Variants in ANXA10 observed in about 807,000 individuals in gnomAD.
The protein encoded by ANXA10 is annexin A10.
ANXA10 carries 49 observed loss-of-function variants against 53.5 expected under a neutral mutation model. That is an observed-to-expected ratio of 0.92 (90% CI 0.73 to 1.16). The LOEUF is 1.16. ANXA10 is among the 50% of genes most tolerant of loss of function. The probability of loss-of-function intolerance (pLI) is 0.00; values close to 1 mark genes in which losing one functional copy is unlikely to be tolerated. For missense variants in ANXA10, 393 were observed against 394.4 expected (o/e 1.00, Z 0.03); for synonymous variants, 131 against 128.9 (o/e 1.02, Z -0.11).
intron 1 of ANXA10, among the ~76,000 whole-genome samples, chr4:168,111,345 T>C (rs1730803665): frequency 6.6e-6 from 1 of 152,200 alleles, no homozygotes; most frequent in African/African-American, 2.4e-5. Context: ...ATATGTTTTA[T>C]CCTTTCTAGA....
At chr4:168,154,979 C>T (rs1731577750) in intron 3 of ANXA10, among the ~76,000 whole-genome samples, 1 of 152,082 alleles carries the variant, frequency 6.6e-6, no homozygotes, top group Non-Finnish European at 1.5e-5. Flanking sequence ...TCATGGTATA[C>T]CCTTTGCACT....
intron 3 of ANXA10, among the ~76,000 whole-genome samples, chr4:168,158,927 C>T (rs989006447): frequency 2.0e-5 from 3 of 152,034 alleles, no homozygotes; most frequent in Non-Finnish European, 4.4e-5. Flanking sequence ...GTAATATGTT[C>T]CCCTTAAAGA....
chr4:168,109,874 G>C (rs1730775989), intron 1 of ANXA10, among the ~76,000 whole-genome samples: 1 of 152,154 alleles, frequency 6.6e-6, no homozygotes, highest in Non-Finnish European at 1.5e-5. Flanking sequence ...AGCTATCTAA[G>C]TTATCTCACT....
At chr4:168,092,771 T>C (rs933710624) in intron 1 of ANXA10, 53 bp downstream of exon 1, 1 of 1,445,452 alleles carries the variant, frequency 6.9e-7, no homozygotes, top group Non-Finnish European at 9.3e-7. Context: ...AAACTTGATT[T>C]ATAAAATTTC....
intron 1 of ANXA10, among the ~76,000 whole-genome samples, chr4:168,101,569 T>G (rs1362080731): frequency 6.6e-6 from 1 of 152,016 alleles, no homozygotes; most frequent in African/African-American, 2.4e-5. Flanking sequence ...TAATCTTGTA[T>G]TTTTTCTTAT....
In ANXA10 at chr4:168,179,254, G is replaced by T; in HGVS notation, c.666G>T (p.Met222Ile). 1 of 1,611,620 alleles carries T rather than the reference G, an allele frequency of 6.2e-7. No homozygotes were observed. Among genetic ancestry groups the T allele is most frequent in the South Asian group, 1.1e-5 (1 of 90,772 alleles). Residue 222 changes from methionine to isoleucine, a missense_variant, in exon 9 of 12, where the codon ATG (methionine) becomes ATT (isoleucine). Met to Ile is a conservative substitution (Grantham distance 10). Transcript: ENST00000359299. ...QEFQNISGQDMVDAINECYDG... is the reference protein window; with the variant it reads ...QEFQNISGQDIVDAINECYDG... ...TTCAAAATATTTCTGGGCAAGATAT[G>T]GTAGATGCCATTAATGAATGTTATG...
In ANXA10 at chr4:168,134,784, C is replaced by G. The variant is rs1048745899; in HGVS notation, c.101-4702C>G. On this transcript the variant is annotated intron_variant, in intron 2 of 11. Transcript: ENST00000359299. ...GCCAATTCTAGGCCTTCCTCCCTCCCTGTTACAGCTTTCAGACCATTTGTG... is the reference window on the plus strand; with the variant it reads ...GCCAATTCTAGGCCTTCCTCCCTCCGTGTTACAGCTTTCAGACCATTTGTG... 3.3e-5 allele frequency among the ~76,000 whole-genome samples: 5 copies of G among 152,182 alleles called. 1 individual carries two copies. The highest frequency in any genetic ancestry group is 5.9e-5 in the Non-Finnish European group (4 of 68,028).
At chr4:168,165,408 A>T (rs1312445779) in intron 6 of ANXA10, 82 bp downstream of exon 6, 10 of 693,982 alleles carry the variant, frequency 1.4e-5, no homozygotes, top group Non-Finnish European at 2.2e-5. Flanking sequence ...AAAAAAAAAT[A>T]GAACAGAAAA....
At chr4:168,157,475 C>A (rs1731708832) in intron 3 of ANXA10, among the ~76,000 whole-genome samples, 1 of 152,038 alleles carries the variant, frequency 6.6e-6, no homozygotes, top group Admixed American at 6.6e-5. Flanking sequence ...AGCATCTTGG[C>A]CAGGCTGGTG....
chr4:168,181,531 C>G (rs1553959403), intron 9 of ANXA10, 152 bp from the exon 10 acceptor site: 1 of 662,466 alleles, frequency 1.5e-6, no homozygotes, highest in African/African-American at 1.8e-5. Context: ...TATTTTTTTC[C>G]TGTGGCTTAT....
chr4:168,098,970 G>A (rs1730597258), intron 1 of ANXA10, among the ~76,000 whole-genome samples: 1 of 152,050 alleles, frequency 6.6e-6, no homozygotes, highest in Admixed American at 6.6e-5. Context: ...TAAAGCAACA[G>A]AATGTCTTCA....
intron 1 of ANXA10, among the ~76,000 whole-genome samples, chr4:168,093,844 A>C (rs1730501295): frequency 1.3e-5 from 2 of 152,324 alleles, no homozygotes; most frequent in East Asian, 3.9e-4. Context: ...ATTAGGACTT[A>C]AAAGGCAGCT....
At chr4:168,153,442 CA>C (rs1560782282) in intron 3 of ANXA10, among the ~76,000 whole-genome samples, 1 of 42,934 alleles carries the variant, frequency 2.3e-5, no homozygotes, top group East Asian at 4.5e-4. Flanking sequence ...AAAAAAAAAA[CA>C]AAAACAAAAA....
chr4:168,092,788 G>A (rs2149462426), intron 1 of ANXA10, 70 bp downstream of exon 1: 2 of 1,368,328 alleles, frequency 1.5e-6, no homozygotes, highest in East Asian at 5.2e-5. Context: ...TTTCATTTGT[G>A]TTTTTTGACG....
chr4:168,116,005 C>T (rs2149467252), intron 1 of ANXA10, among the ~76,000 whole-genome samples: 1 of 152,212 alleles, frequency 6.6e-6, no homozygotes, highest in Non-Finnish European at 1.5e-5. Context: ...ACGTCTAAGG[C>T]ACTGCCCTAG....
At chr4:168,138,396 GAA>G (rs376666349) in intron 2 of ANXA10, among the ~76,000 whole-genome samples, 1 of 148,372 alleles carries the variant, frequency 6.7e-6, no homozygotes, top group African/African-American at 2.5e-5. Context: ...TCTTCTTTTG[GAA>G]AAAAAAAAGT....
chr4:168,136,696 C>T (rs1439521617), intron 2 of ANXA10, among the ~76,000 whole-genome samples: 2 of 152,200 alleles, frequency 1.3e-5, no homozygotes, highest in East Asian at 1.9e-4. Flanking sequence ...GTGTTGACTC[C>T]CTGTGCTTTT....
chr4:168,125,001 T>A (rs902844034), intron 1 of ANXA10, among the ~76,000 whole-genome samples: 1 of 152,158 alleles, frequency 6.6e-6, no homozygotes, highest in East Asian at 1.9e-4. Flanking sequence ...AACGAGGGAA[T>A]GGGACTGAAG....
At chr4:168,135,531 G>A (rs1731222442) in intron 2 of ANXA10, among the ~76,000 whole-genome samples, 1 of 152,146 alleles carries the variant, frequency 6.6e-6, no homozygotes, top group Admixed American at 6.5e-5. Context: ...TCAAGCTAAG[G>A]GAAAAGTTAA....
Sources: allele counts gnomAD v4.1 joint callset (sites outside exome capture counted in the v4.1 genomes callset), GRCh38; gene constraint gnomAD v4.1.1; transcripts MANE v1.5; gene names NCBI Gene and HGNC (gene_info 2026-07-23, HGNC 2026-07-21).